The following TNNI3K variants were observed in gnomAD, a reference collection of about 807,000 sequenced individuals.
TNNI3K encodes TNNI3 interacting kinase.
Under a neutral mutation model 114.5 loss-of-function variants are expected in TNNI3K, and 140 were observed. The observed-to-expected ratio is 1.22, with a 90% confidence interval of 1.07 to 1.41. The LOEUF (loss-of-function observed/expected upper bound fraction) is 1.41, where lower values mean the gene tolerates loss of function less well. TNNI3K is among the 40% of genes most tolerant of loss of function. The probability of loss-of-function intolerance (pLI) is 0.00; values close to 1 mark genes in which losing one functional copy is unlikely to be tolerated. For synonymous variants in TNNI3K, 347 were observed against 347.5 expected, an observed-to-expected ratio of 1.00 and a Z score of 0.02; for missense variants, 1,125 against 1,007.6, an observed-to-expected ratio of 1.12 and a Z score of -1.58.
chr1:74,436,043 A>G (rs766008731), intron 17 of TNNI3K, 37 bp from the exon 18 acceptor site: 1 of 1,576,210 alleles, frequency 6.3e-7, no homozygotes. Flanking sequence ...AGCAAAGCTT[A>G]CTCAATGTCT....
Position 74,353,968 on chromosome 1 carries a change from T to G in TNNI3K, c.1028-12T>G, listed in dbSNP as rs192728481. 4.4e-6 allele frequency: 7 copies of G among 1,589,542 alleles called. No homozygotes were observed. In the Admixed American group the frequency reaches 1.3e-4, roughly 30 times the overall value. ...TTTCTCCTTTTGTTCTTTCAATTCT[T>G]TTCTATTACAGGATTACACTCTGCT... On this transcript the variant is annotated splice_polypyrimidine_tract_variant and intron_variant, in intron 10 of 24. Coordinates refer to ENST00000326637, the MANE Select transcript of TNNI3K (RefSeq NM_015978.3).
intron 21 of TNNI3K, chr1:74,464,819 G>C (rs995911512): frequency 2.7e-6 from 4 of 1,482,452 alleles, no homozygotes; most frequent in South Asian, 2.8e-5. Flanking sequence ...CAAAATGTTA[G>C]CTCCATGAAA....
At chr1:74,435,546 T>C (rs963853237) in intron 17 of TNNI3K, among the ~76,000 whole-genome samples, 1 of 152,062 alleles carries the variant, frequency 6.6e-6, no homozygotes, top group Non-Finnish European at 1.5e-5. Flanking sequence ...AAAAGTGGTT[T>C]AGTTGGCATC....
At chr1:74,396,811 G>A (rs1253283452) in intron 17 of TNNI3K, among the ~76,000 whole-genome samples, 2 of 152,242 alleles carry the variant, frequency 1.3e-5, no homozygotes, top group East Asian at 1.9e-4. Flanking sequence ...TGCTTCTGCA[G>A]AGGCTCAGGG....
At chr1:74,397,705 G>A (rs1664155984) in intron 17 of TNNI3K, among the ~76,000 whole-genome samples, 1 of 152,192 alleles carries the variant, frequency 6.6e-6, no homozygotes, top group Admixed American at 6.5e-5. Flanking sequence ...TCCACTACAT[G>A]ATGGGATGAG....
intron 23 of TNNI3K, among the ~76,000 whole-genome samples, chr1:74,537,029 C>T (rs559537057): frequency 6.6e-6 from 1 of 152,278 alleles, no homozygotes; most frequent in African/African-American, 2.4e-5. Flanking sequence ...TAGCTTCCAT[C>T]TGTCTGTCAT....
At chr1:74,467,442 A>AG (rs1667727108) in intron 21 of TNNI3K, among the ~76,000 whole-genome samples, 1 of 151,896 alleles carries the variant, frequency 6.6e-6, no homozygotes, top group Non-Finnish European at 1.5e-5. Context: ...AACATTGAGG[A>AG]GAGTAAGAAG....
intron 4 of TNNI3K, among the ~76,000 whole-genome samples, chr1:74,255,163 G>C (rs1655196702): frequency 6.6e-6 from 1 of 151,912 alleles, no homozygotes; most frequent in Admixed American, 6.6e-5. Context: ...GACCATCCCG[G>C]CTAAAATGGT....
chr1:74,246,576 C>T (rs1255736676), intron 2 of TNNI3K, among the ~76,000 whole-genome samples: 2 of 151,514 alleles, frequency 1.3e-5, no homozygotes, highest in Admixed American at 1.3e-4. Context: ...TATAAAACCA[C>T]AAGAAAAAAA....
intron 17 of TNNI3K, among the ~76,000 whole-genome samples, chr1:74,418,911 AAG>A (rs1665263423): frequency 6.6e-6 from 1 of 152,120 alleles, no homozygotes; most frequent in African/African-American, 2.4e-5. Context: ...AGTAATCACA[AAG>A]AGGCATTTAG....
intron 17 of TNNI3K, among the ~76,000 whole-genome samples, chr1:74,431,523 G>C (rs931004617): frequency 2.6e-5 from 4 of 151,982 alleles, no homozygotes; most frequent in African/African-American, 9.7e-5. Flanking sequence ...CTTAGCCTTC[G>C]CAGCAGAGAT....
At chr1:74,462,547 T>C (rs143257139) in intron 20 of TNNI3K, among the ~76,000 whole-genome samples, 1 of 152,192 alleles carries the variant, frequency 6.6e-6, no homozygotes, top group Non-Finnish European at 1.5e-5. Context: ...TGTAAAATGT[T>C]TATAAATTAA....
chr1:74,382,051 A>C (rs894204645), intron 17 of TNNI3K, among the ~76,000 whole-genome samples: 1 of 152,232 alleles, frequency 6.6e-6, no homozygotes, highest in Non-Finnish European at 1.5e-5. Context: ...TCAACTCAGC[A>C]GTTGTCCTTC....
Position 74,271,669 on chromosome 1 carries a change from C to G in TNNI3K, c.405C>G (p.Leu135=). The change falls in exon 5 of 25, where the codon CTC becomes CTG. Residue 135 remains leucine, a synonymous_variant. Transcript: ENST00000326637. ...TACAGCAGGTTGGATACGGTGGCCTCACTGCCCTCCATATTGCTACAATAG... is the reference window on the plus strand; with the variant it reads ...TACAGCAGGTTGGATACGGTGGCCTGACTGCCCTCCATATTGCTACAATAG... The part of the protein sequence containing the change: ...ADIQQVGYGG[L]TALHIATIAG... 6.2e-7 allele frequency: 1 copy of G among 1,609,292 alleles called. No individual in the cohort carries two copies. Among genetic ancestry groups the G allele is most frequent in the Non-Finnish European group, 8.5e-7 (1 of 1,177,198 alleles).
intron 20 of TNNI3K, among the ~76,000 whole-genome samples, chr1:74,443,338 C>T (rs1198477489): frequency 2.0e-5 from 3 of 151,674 alleles, no homozygotes; most frequent in Non-Finnish European, 3.0e-5. Flanking sequence ...ATAATTGTGA[C>T]TCCACAGAAA....
At chr1:74,443,400 A>T (rs1666471817) in intron 20 of TNNI3K, among the ~76,000 whole-genome samples, 1 of 152,180 alleles carries the variant, frequency 6.6e-6, no homozygotes, top group Non-Finnish European at 1.5e-5. Flanking sequence ...AATAAACTAG[A>T]CAATCTAGAA....
rs577567940 is a variant in TNNI3K, at chr1:74,367,485, T to G, written c.1264+143T>G. On this transcript the variant is annotated intron_variant, in intron 12 of 24. Coordinates refer to ENST00000326637, the MANE Select transcript of TNNI3K (RefSeq NM_015978.3). ...AGATTAGATTTATTTTAAGTAACCT[T>G]ATGTCTGGGAGAGGCTGAACATAAA... 1.0e-4 allele frequency: 88 copies of G among 860,054 alleles called. 1 individual carries two copies. In the African/African-American group the frequency reaches 1.4e-3, roughly 13 times the overall value. 53.3% of individuals were successfully genotyped at this position (860,054 alleles called of 1,614,324 possible).
At chr1:74,485,303 G>A (rs1022217513) in intron 21 of TNNI3K, among the ~76,000 whole-genome samples, 4 of 152,216 alleles carry the variant, frequency 2.6e-5, no homozygotes, top group Admixed American at 2.6e-4. Context: ...TGAGAAAACA[G>A]TAAGAACAAT....
chr1:74,527,610 T>A (rs1646520140), intron 23 of TNNI3K, among the ~76,000 whole-genome samples: 1 of 151,758 alleles, frequency 6.6e-6, no homozygotes, highest in East Asian at 1.9e-4. Flanking sequence ...CAGAAGGAGG[T>A]AGAGGCCAGG....
Sources: allele counts gnomAD v4.1 joint callset (sites outside exome capture counted in the v4.1 genomes callset), GRCh38; gene constraint gnomAD v4.1.1; transcripts MANE v1.5; gene names NCBI Gene and HGNC (gene_info 2026-07-23, HGNC 2026-07-21).